The following TCF3 variants were observed in gnomAD, a reference collection of about 807,000 sequenced individuals.
TCF3 encodes transcription factor E2-alpha.
In TCF3, 54 loss-of-function variants were observed where a neutral mutation model predicts 72.3. That is an observed-to-expected ratio of 0.75 (90% CI 0.60 to 0.94). The LOEUF is 0.94. Among genes scored for constraint, TCF3 ranks in the 40% least tolerant of loss-of-function variants. TCF3 has a pLI of 0.00. For missense variants in TCF3, 1,078 were observed against 934.4 expected (o/e 1.15, Z -2.00); for synonymous variants, 525 against 412.6 (o/e 1.27, Z -3.30).
intron 1 of TCF3, chr19:1,651,481 T>C (rs973854759): frequency 1.8e-5 from 4 of 224,066 alleles, no homozygotes; most frequent in African/African-American, 8.9e-5. Flanking sequence ...CGCACTTTTT[T>C]GTGGGGTAGC....
rs758559871 is a variant in TCF3, at chr19:1,610,924, CGGGGG to C, written c.*778_*782del. 83 of 53,932 alleles carry C rather than the reference CGGGGG, an allele frequency of 1.5e-3. 1 individual carries two copies. Among genetic ancestry groups the C allele is most frequent in the Non-Finnish European group, 2.5e-3 (71 of 27,950 alleles). 3.3% of individuals were successfully genotyped at this position (53,932 alleles called of 1,614,324 possible). A position where few individuals can be genotyped will look rare whatever the true frequency, so the allele number is the denominator to read the frequency against. ...CGTTCTGTCTGTGTGCAGTGGCTTCCGGGGGGGGGGGGGGACGGGGGGGCTCAGGT... is the reference window on the plus strand; with the variant it reads ...CGTTCTGTCTGTGTGCAGTGGCTTCCGGGGGGGGGACGGGGGGGCTCAGGT... On this transcript the variant is annotated 3_prime_UTR_variant, in exon 19 of 19. Coordinates refer to ENST00000262965, the MANE Select transcript of TCF3 (RefSeq NM_003200.5).
chr19:1,639,740 G>A (rs1455536897), intron 3 of TCF3, among the ~76,000 whole-genome samples: 4 of 106,300 alleles, frequency 3.8e-5, no homozygotes, highest in South Asian at 3.3e-4. Context: ...CTGACCTGAA[G>A]AGGAAATTAG....
intron 3 of TCF3, among the ~76,000 whole-genome samples, chr19:1,638,077 T>C (rs1241518794): frequency 2.0e-5 from 3 of 152,162 alleles, no homozygotes; most frequent in African/African-American, 7.2e-5. Flanking sequence ...TTCTATGGAA[T>C]GAAGTAGACA....
intron 2 of TCF3, among the ~76,000 whole-genome samples, chr19:1,647,932 C>T (rs1327224522): frequency 6.6e-6 from 1 of 152,148 alleles, no homozygotes; most frequent in Non-Finnish European, 1.5e-5. Context: ...GTCTCGCACG[C>T]GGCAGGGCCT....
At chr19:1,618,675 G>A (rs1237988061) in intron 16 of TCF3, among the ~76,000 whole-genome samples, 1 of 152,162 alleles carries the variant, frequency 6.6e-6, no homozygotes, top group East Asian at 1.9e-4. Flanking sequence ...CCCAGATGCT[G>A]CCCAAACACC....
chr19:1,611,916 G>A (rs553466857), intron 18 of TCF3, 67 bp from the exon 19 acceptor site: 2 of 487,154 alleles, frequency 4.1e-6, no homozygotes, highest in Admixed American at 3.5e-5. Context: ...AGGTGGGAGT[G>A]GGGGGTAGGA....
rs1403957029 is a variant in TCF3 at position 1,650,206 on chromosome 19, CCTT to C, written c.40_42del (p.Lys14del). The C allele has an allele frequency of 8.3e-6, 13 of 1,573,392 alleles. No individual in the cohort carries two copies. The highest frequency in any genetic ancestry group is 1.7e-4 in the Middle Eastern group (1 of 6,018). ...CTGAAGTCCAGGAGGTCACTGAGCT[CCTT>C]GTCTGTGCCCACAGGCGCCATCCTC... On this transcript the variant is annotated inframe_deletion, in exon 2 of 19. Coordinates refer to ENST00000262965, the MANE Select transcript of TCF3 (RefSeq NM_003200.5).
At chr19:1,619,590 A>G in intron 14 of TCF3, 116 bp from the exon 15 acceptor site, 1 of 1,423,072 alleles carries the variant, frequency 7.0e-7, no homozygotes, top group South Asian at 1.4e-5. Context: ...TTCCCCAGGA[A>G]GCTGCATATG....
In TCF3 at chr19:1,614,305, G is replaced by A. The variant is rs549021779; in HGVS notation, c.1822+980C>T. On this transcript the variant is annotated intron_variant, in intron 18 of 18. Coordinates refer to ENST00000262965, the MANE Select transcript of TCF3 (RefSeq NM_003200.5). The surrounding 1 kb of genome is among the most constrained non-coding windows in gnomAD (Gnocchi z 5.6). Reference sequence around the variant, plus strand: ...CACAGACCAAACTGACAGGACCAGGGGCTGCGTGCTCCCGGGTCTGGTTTC... The same window carrying A: ...CACAGACCAAACTGACAGGACCAGGAGCTGCGTGCTCCCGGGTCTGGTTTC... 2.1e-3 allele frequency among the ~76,000 whole-genome samples: 317 copies of A among 152,350 alleles called. 1 individual carries two copies. Among genetic ancestry groups the A allele is most frequent in the African/African-American group, 6.9e-3 (287 of 41,580 alleles).
intron 14 of TCF3, 26 bp downstream of exon 14, chr19:1,619,754 T>TGGGGGGGGGGGGGGGGGGGGGGGGGGGG: frequency 1.9e-6 from 1 of 518,730 alleles, no homozygotes; most frequent in Non-Finnish European, 2.6e-6. Flanking sequence ...CGGGGAAGGG[T>TGGGGGGGGGGGGGGGGGGGGGGGGGGGG]GGGGTGGGGC....
chr19:1,612,106 G>A (rs2061060757), intron 18 of TCF3: 1 of 1,243,180 alleles, frequency 8.0e-7, no homozygotes, highest in Non-Finnish European at 1.1e-6. Flanking sequence ...AGACAGACAT[G>A]GACAGAGTCC....
rs141442036 is a variant in TCF3, at chr19:1,644,459, C to T, written c.145+1896G>A. Among the ~76,000 whole-genome samples, 1,005 of 152,276 alleles carry T rather than the reference C, an allele frequency of 6.6e-3. 5 individuals are homozygous for T. Among genetic ancestry groups the T allele is most frequent in the Middle Eastern group, 0.017 (5 of 294 alleles). On this transcript the variant is annotated intron_variant, in intron 3 of 18. Coordinates refer to ENST00000262965, the MANE Select transcript of TCF3 (RefSeq NM_003200.5). ...CAGGCTGGAGCAGCCACATCACGTC[C>T]CTCAAGGGCAAAAAATGCAACATAC... is the stretch of plus-strand genomic sequence containing the variant.
chr19:1,651,892 A>G (rs1040330176), intron 1 of TCF3, among the ~76,000 whole-genome samples: 1 of 135,962 alleles, frequency 7.4e-6, no homozygotes, highest in Non-Finnish European at 1.6e-5. Context: ...CGCGCTCCCC[A>G]CCCCAAACTC....
At chr19:1,647,762 C>T (rs1205248942) in intron 2 of TCF3, among the ~76,000 whole-genome samples, 3 of 152,240 alleles carry the variant, frequency 2.0e-5, no homozygotes, top group African/African-American at 7.2e-5. Context: ...CAACGTGCCA[C>T]AGGTCACATG....
intron 18 of TCF3, 105 bp from the exon 19 acceptor site, chr19:1,611,954 C>T (rs1193437442): frequency 1.5e-6 from 1 of 667,052 alleles, no homozygotes; most frequent in African/African-American, 1.9e-5. Flanking sequence ...GGGGCAGAGC[C>T]CCATCACGTG....
At chr19:1,646,192 G>C (rs911653301) in intron 3 of TCF3, among the ~76,000 whole-genome samples, 163 bp downstream of exon 3, 7 of 152,186 alleles carry the variant, frequency 4.6e-5, no homozygotes, top group Admixed American at 4.6e-4. Context: ...AACGGCAGCT[G>C]ATTTCAGGGG....
intron 3 of TCF3, among the ~76,000 whole-genome samples, chr19:1,633,057 C>T (rs758400940): frequency 4.7e-5 from 7 of 150,322 alleles, no homozygotes; most frequent in South Asian, 2.1e-4. Context: ...GAGTTCCCGG[C>T]GCAGCAAGGG....
Position 1,625,641 on chromosome 19 carries a change from C to T in TCF3, c.434G>A (p.Gly145Glu), listed in dbSNP as rs773698137. The change falls in exon 7 of 19, where the codon GGG becomes GAG. Residue 145 changes from glycine (G) to glutamate (E), a missense_variant. Physicochemically the swap from Gly to Glu is moderately conservative, Grantham distance 98 (BLOSUM62 -2). Coordinates refer to ENST00000262965, the MANE Select transcript of TCF3 (RefSeq NM_003200.5). ...GTAGGAGGGGTAGTACTGGGAGGTC[C>T]CCTTCATGCCCGAAGGGGACAGGGG... Reference protein sequence around the residue: ...PGPLSPSGMKGTSQYYPSYSG... With the variant: ...PGPLSPSGMKETSQYYPSYSG... 29 of 1,547,488 alleles carry T rather than the reference C, an allele frequency of 1.9e-5. No homozygotes were observed. The highest frequency in any genetic ancestry group is 2.5e-5 in the Non-Finnish European group (29 of 1,152,874).
rs1249046084 is a variant in TCF3 at position 1,611,276 on chromosome 19, G to C, written c.*431C>G. ...GGTTTCCACAGCATCCCCCTTGAGT[G>C]ATATGTTTCCATTTCTCCGCTTTTT... On this transcript the variant is annotated 3_prime_UTR_variant, in exon 19 of 19. Transcript: ENST00000262965. The C allele has an allele frequency of 3.0e-6, 1 of 334,386 alleles. No homozygotes were observed. The highest frequency in any genetic ancestry group is 2.1e-5 in the African/African-American group (1 of 47,744). 20.7% of individuals were successfully genotyped at this position (334,386 alleles called of 1,614,324 possible).
Sources: gnomAD v4.1 joint callset for allele counts (sites outside exome capture counted in the v4.1 genomes callset) on GRCh38, gnomAD v4.1.1 for gene constraint, Gnocchi (gnomAD v3.1) non-coding constraint, MANE v1.5 for transcripts, NCBI Gene and HGNC (gene_info 2026-07-23, HGNC 2026-07-21) for gene names.